Variants in BHLHA9 observed in about 807,000 individuals in gnomAD.
The protein encoded by BHLHA9 is basic helix-loop-helix family member a9, also known as class A basic helix-loop-helix protein 9.
For synonymous variants in BHLHA9, 177 were observed against 179.7 expected (o/e 0.98, Z 0.12); for missense variants, 344 against 365.9 (o/e 0.94, Z 0.49).
rs2071885019 is a variant in BHLHA9, at chr17:1,271,730, C to T, written c.*459C>T. On this transcript the variant is annotated 3_prime_UTR_variant, in exon 1 of 1. Transcript: ENST00000391429. ...ATGAGTGCGGAGTCCCCTTCCCTGC[C>T]TGCGCTGCTGCCCAAGCCTGATCCG... 1.3e-5 allele frequency among the ~76,000 whole-genome samples: 2 copies of T among 152,254 alleles called. No individual in the cohort carries two copies. Among genetic ancestry groups the T allele is most frequent in the Admixed American group, 1.3e-4 (2 of 15,290 alleles).
At position 1,270,524 on chromosome 17, in the gene BHLHA9, G is replaced by GGGCAGAT; in HGVS notation, c.-37_-36insAGATGGC. ...CAGTGGGCAGAGGGCAGAGGGCAGA[G>GGGCAGAT]GGCCGGGGCTGGGGCAGAGGGCGAG... On this transcript the variant is annotated 5_prime_UTR_variant, in exon 1 of 1. The change creates a new upstream start codon in the 5' untranslated region. Coordinates refer to ENST00000391429, the MANE Select transcript of BHLHA9 (RefSeq NM_001164405.2). 1 of 1,162,260 alleles carries GGGCAGAT rather than the reference G, an allele frequency of 8.6e-7. No individual in the cohort carries two copies. The highest frequency in any genetic ancestry group is 1.1e-6 in the Non-Finnish European group (1 of 914,482). The allele number at this position is 1,162,260 out of a possible 1,614,324, so 72.0% of individuals were successfully genotyped here.
At position 1,270,516 on chromosome 17, in the gene BHLHA9, A is replaced by AGGGCAGAGGGCCGGGGCTG. The variant is rs1313245531; in HGVS notation, c.-36_-18dup. On this transcript the variant is annotated 5_prime_UTR_variant, in exon 1 of 1. Coordinates refer to ENST00000391429, the MANE Select transcript of BHLHA9 (RefSeq NM_001164405.2). ...GGCCAAGGCAGTGGGCAGAGGGCAG[A>AGGGCAGAGGGCCGGGGCTG]GGGCAGAGGGCCGGGGCTGGGGCAG... 8 of 1,092,918 alleles carry AGGGCAGAGGGCCGGGGCTG rather than the reference A, an allele frequency of 7.3e-6. No individual in the cohort carries two copies. The highest frequency in any genetic ancestry group is 8.2e-6 in the Non-Finnish European group (7 of 853,082). 67.7% of individuals were successfully genotyped at this position (1,092,918 alleles called of 1,614,324 possible). A position where few individuals can be genotyped will look rare whatever the true frequency, so the allele number is the denominator to read the frequency against.
Position 1,270,631 on chromosome 17 carries a change from T to TG in BHLHA9, c.74dup (p.Cys27LeufsTer246), listed in dbSNP as rs1017372759. On this transcript the variant is annotated frameshift_variant, in exon 1 of 1. Coordinates refer to ENST00000391429, the MANE Select transcript of BHLHA9 (RefSeq NM_001164405.2). LOFTEE classifies it low-confidence loss of function (END_TRUNC). ...GGGGCCGAGGACTCTGCGGAGGACT[T>TG]GGGGGGCCCCTGCCCCGAGCCCGGG... is the stretch of plus-strand genomic sequence containing the variant. 1.8e-5 allele frequency: 23 copies of TG among 1,298,348 alleles called. No individual in the cohort carries two copies. The highest frequency in any genetic ancestry group is 9.4e-5 in the East Asian group (3 of 31,968). The allele number at this position is 1,298,348 out of a possible 1,614,324, so 80.4% of individuals were successfully genotyped here.
rs1236657811 is a variant in BHLHA9 at position 1,270,971 on chromosome 17, C to T, written c.408C>T (p.Cys136=). The change falls in exon 1 of 1, where the codon TGC becomes TGT. Residue 136 remains cysteine, a synonymous_variant. Transcript: ENST00000391429. ...APRGPCGHLE[C]HGPAARGDTG... ...GCGGGCCCTGCGGACACCTGGAGTG[C>T]CACGGCCCGGCCGCGCGCGGGGACA... 2.3e-5 allele frequency: 29 copies of T among 1,238,564 alleles called. No homozygotes were observed. Among genetic ancestry groups the T allele is most frequent in the South Asian group, 3.3e-5 (1 of 29,946 alleles). The allele number at this position is 1,238,564 out of a possible 1,614,324, so 76.7% of individuals were successfully genotyped here.
Position 1,270,759 on chromosome 17 carries a change from C to T in BHLHA9, c.196C>T (p.Arg66Trp). The change falls in exon 1 of 1, where the codon CGG becomes TGG. Residue 66 changes from arginine (R) to tryptophan (W), a missense_variant. Coordinates refer to ENST00000391429, the MANE Select transcript of BHLHA9 (RefSeq NM_001164405.2). ...RRARPVRSKA[R>W]RMAANVRERK... ...CGCGCGGCCGGTGCGGTCCAAGGCG[C>T]GGCGCATGGCCGCCAACGTGCGGGA... The T allele has an allele frequency of 5.5e-6, 8 of 1,454,046 alleles. No homozygotes were observed. Among genetic ancestry groups the T allele is most frequent in the Non-Finnish European group, 7.2e-6 (8 of 1,107,252 alleles). The allele number at this position is 1,454,046 out of a possible 1,614,324, so 90.1% of individuals were successfully genotyped here. A position where few individuals can be genotyped will look rare whatever the true frequency, so the allele number is the denominator to read the frequency against.
At position 1,271,017 on chromosome 17, in the gene BHLHA9, C is replaced by A. The variant is rs1039246745; in HGVS notation, c.454C>A (p.Pro152Thr). 1.7e-5 allele frequency: 20 copies of A among 1,197,486 alleles called. No homozygotes were observed. The highest frequency in any genetic ancestry group is 1.4e-4 in the African/African-American group (9 of 62,636). 74.2% of individuals were successfully genotyped at this position (1,197,486 alleles called of 1,614,324 possible). The change falls in exon 1 of 1, where the codon CCC becomes ACC. Residue 152 changes from proline to threonine, a missense_variant. Pro to Thr is a conservative substitution (Grantham distance 38). Transcript: ENST00000391429. ...GGACACCGGGGACACAGGCGCCAGC[C>A]CCCCGCCGCCTGCAGGGCCCAGCCT... ...RGDTGDTGASPPPPAGPSLAR... is the reference protein window; with the variant it reads ...RGDTGDTGASTPPPAGPSLAR...
Position 1,271,082 on chromosome 17 carries a change from GC to G in BHLHA9, c.523del (p.Arg175AlafsTer23), listed in dbSNP as rs1171679796. On this transcript the variant is annotated frameshift_variant, in exon 1 of 1. Coordinates refer to ENST00000391429, the MANE Select transcript of BHLHA9 (RefSeq NM_001164405.2). LOFTEE classifies it low-confidence loss of function (END_TRUNC). Reference sequence around the variant, plus strand: ...CCGCCCGCCCCTCGGTGCCGTCCGCGCCCCGCTGCGCCTCGTGCCCCCCGCA... The same window carrying G: ...CCGCCCGCCCCTCGGTGCCGTCCGCGCCCGCTGCGCCTCGTGCCCCCCGCA... Reference protein sequence around the residue: ...DAARPSVPSAPRCASCPPHAP... With the variant: ...DAARPSVPSAXRCASCPPHAP... 1.7e-5 allele frequency: 21 copies of G among 1,219,184 alleles called. No individual in the cohort carries two copies. In the East Asian group the frequency reaches 6.8e-4, roughly 40 times the overall value. 75.5% of individuals were successfully genotyped at this position (1,219,184 alleles called of 1,614,324 possible).
chr17:1,270,981 G>C lies in BHLHA9; in HGVS notation c.418G>C (p.Ala140Pro), dbSNP rs2071878433. ...PCGHLECHGP[A>P]ARGDTGDTGA... ...CGGACACCTGGAGTGCCACGGCCCG[G>C]CCGCGCGCGGGGACACCGGGGACAC... Residue 140 changes from alanine to proline, a missense_variant, in exon 1 of 1, where the codon GCC becomes CCC. Physicochemically the swap from Ala to Pro is conservative, Grantham distance 27. Coordinates refer to ENST00000391429, the MANE Select transcript of BHLHA9 (RefSeq NM_001164405.2). The C allele has an allele frequency of 8.2e-7, 1 of 1,225,752 alleles. No homozygotes were observed. The highest frequency in any genetic ancestry group is 1.6e-5 in the African/African-American group (1 of 63,392). 75.9% of individuals were successfully genotyped at this position (1,225,752 alleles called of 1,614,324 possible).
In BHLHA9 at chr17:1,270,528, C is replaced by CGGGGCT. The variant is rs772446398; in HGVS notation, c.-30_-25dup. 2 of 1,178,142 alleles carry CGGGGCT rather than the reference C, an allele frequency of 1.7e-6. No individual in the cohort carries two copies. Among genetic ancestry groups the CGGGGCT allele is most frequent in the Non-Finnish European group, 2.2e-6 (2 of 929,178 alleles). The allele number at this position is 1,178,142 out of a possible 1,614,324, so 73.0% of individuals were successfully genotyped here. Reference sequence around the variant, plus strand: ...GGGCAGAGGGCAGAGGGCAGAGGGCCGGGGCTGGGGCAGAGGGCGAGTGCC... The same window carrying CGGGGCT: ...GGGCAGAGGGCAGAGGGCAGAGGGCCGGGGCTGGGGCTGGGGCAGAGGGCGAGTGCC... On this transcript the variant is annotated 5_prime_UTR_variant, in exon 1 of 1. Transcript: ENST00000391429.
Position 1,271,679 on chromosome 17 carries a change from G to C in BHLHA9, c.*408G>C, listed in dbSNP as rs1193735768. On this transcript the variant is annotated 3_prime_UTR_variant, in exon 1 of 1. Transcript: ENST00000391429. Reference sequence around the variant, plus strand: ...GGTGTGGGAGCGTGGGAATGCGGGTGGGGCCTGCTGTGGTCTCGTGGGCAC... The same window carrying C: ...GGTGTGGGAGCGTGGGAATGCGGGTCGGGCCTGCTGTGGTCTCGTGGGCAC... Among the ~76,000 whole-genome samples, 1 of 152,260 alleles carries C rather than the reference G, an allele frequency of 6.6e-6. No individual in the cohort carries two copies. The highest frequency in any genetic ancestry group is 6.5e-5 in the Admixed American group (1 of 15,292).
In BHLHA9 at chr17:1,270,641, C is replaced by G. The variant is rs1248784707; in HGVS notation, c.78C>G (p.Pro26=). Residue 26 remains proline (P), a synonymous_variant, in exon 1 of 1, where the codon CCC becomes CCG. Transcript: ENST00000391429. ...ACTCTGCGGAGGACTTGGGGGGCCC[C>G]TGCCCCGAGCCCGGGGGCGATTCGG... ...AEDSAEDLGG[P]CPEPGGDSGV... The G allele has an allele frequency of 7.7e-7, 1 of 1,306,574 alleles. No individual in the cohort carries two copies. The highest frequency in any genetic ancestry group is 1.5e-5 in the African/African-American group (1 of 64,716). 80.9% of individuals were successfully genotyped at this position (1,306,574 alleles called of 1,614,324 possible).
At position 1,270,448 on chromosome 17, in the gene BHLHA9, G is replaced by A. The variant is rs2071872790; in HGVS notation, c.-116G>A. 2.0e-6 allele frequency: 1 copy of A among 511,020 alleles called. No individual in the cohort carries two copies. Among genetic ancestry groups the A allele is most frequent in the Non-Finnish European group, 3.0e-6 (1 of 329,776 alleles). The allele number at this position is 511,020 out of a possible 1,614,324, so 31.7% of individuals were successfully genotyped here. A position where few individuals can be genotyped will look rare whatever the true frequency, so the allele number is the denominator to read the frequency against. ...CAGCTGGAAGGGGCCTGTCTCGGGA[G>A]TGTCCAGCCCCAGGAGCCGGGGACC... On this transcript the variant is annotated 5_prime_UTR_variant, in exon 1 of 1. It adds an upstream start codon to the 5' untranslated region. Coordinates refer to ENST00000391429, the MANE Select transcript of BHLHA9 (RefSeq NM_001164405.2).
chr17:1,271,294 G>A lies in BHLHA9; in HGVS notation c.*23G>A, dbSNP rs2071882170. 1 of 1,238,014 alleles carries A rather than the reference G, an allele frequency of 8.1e-7. No individual in the cohort carries two copies. The highest frequency in any genetic ancestry group is 1.0e-6 in the Non-Finnish European group (1 of 979,766). 76.7% of individuals were successfully genotyped at this position (1,238,014 alleles called of 1,614,324 possible). On this transcript the variant is annotated 3_prime_UTR_variant, in exon 1 of 1. Transcript: ENST00000391429. ...TGACCGGCCTCGAGGCACCGGCTGGGCTGCAGGGAGGCCGGGCTGGCAGCT... is the reference window on the plus strand; with the variant it reads ...TGACCGGCCTCGAGGCACCGGCTGGACTGCAGGGAGGCCGGGCTGGCAGCT...
Position 1,270,911 on chromosome 17 carries a change from G to C in BHLHA9, c.348G>C (p.Ala116=). The C allele has an allele frequency of 2.1e-6, 3 of 1,421,044 alleles. No individual in the cohort carries two copies. The East Asian group carries it at 9.3e-5, about 44-fold the overall frequency. 88.0% of individuals were successfully genotyped at this position (1,421,044 alleles called of 1,614,324 possible). ...TLRRAIHRIA[A]LSLVLRASPA... is the part of the protein sequence containing the mutation. The stretch of plus-strand genomic sequence containing the variant: ...GCAGGGCCATCCACCGCATCGCCGC[G>C]CTCTCCCTGGTCCTGCGCGCCAGCC... Residue 116 remains alanine, a synonymous_variant, in exon 1 of 1, where the codon GCG becomes GCC. Coordinates refer to ENST00000391429, the MANE Select transcript of BHLHA9 (RefSeq NM_001164405.2).
chr17:1,270,544 G>T lies in BHLHA9; in HGVS notation c.-20G>T. The T allele has an allele frequency of 8.0e-7, 1 of 1,249,028 alleles. No homozygotes were observed. The highest frequency in any genetic ancestry group is 1.0e-6 in the Non-Finnish European group (1 of 992,188). The allele number at this position is 1,249,028 out of a possible 1,614,324, so 77.4% of individuals were successfully genotyped here. A position where few individuals can be genotyped will look rare whatever the true frequency, so the allele number is the denominator to read the frequency against. ...GCAGAGGGCCGGGGCTGGGGCAGAG[G>T]GCGAGTGCCCGGGAAGGCCATGCTG... On this transcript the variant is annotated 5_prime_UTR_variant, in exon 1 of 1. Transcript: ENST00000391429.
Position 1,271,225 on chromosome 17 carries a change from G to A in BHLHA9, c.662G>A (p.Arg221Gln). 8.0e-7 allele frequency: 1 copy of A among 1,254,120 alleles called. No individual in the cohort carries two copies. The highest frequency in any genetic ancestry group is 3.1e-5 in the East Asian group (1 of 31,756). 77.7% of individuals were successfully genotyped at this position (1,254,120 alleles called of 1,614,324 possible). ...TCTGCCGGGCCGCCTCCCTGGCCGC[G>A]GGGCTACCTGCGATCCGCCCCCGGG... ...ASSAGPPPWP[R>Q]GYLRSAPGMG... Residue 221 changes from arginine (R) to glutamine (Q), a missense_variant, in exon 1 of 1, where the codon CGG becomes CAG. Transcript: ENST00000391429.
At position 1,271,085 on chromosome 17, in the gene BHLHA9, C is replaced by T; in HGVS notation, c.522C>T (p.Pro174=). 1.1e-5 allele frequency: 14 copies of T among 1,224,130 alleles called. No homozygotes were observed. Among genetic ancestry groups the T allele is most frequent in the Non-Finnish European group, 1.4e-5 (14 of 985,318 alleles). 75.8% of individuals were successfully genotyped at this position (1,224,130 alleles called of 1,614,324 possible). ...CCCGCCCCTCGGTGCCGTCCGCGCCCCGCTGCGCCTCGTGCCCCCCGCACG... is the reference window on the plus strand; with the variant it reads ...CCCGCCCCTCGGTGCCGTCCGCGCCTCGCTGCGCCTCGTGCCCCCCGCACG... ...DAARPSVPSA[P]RCASCPPHAP... is the part of the protein sequence containing the mutation. The change falls in exon 1 of 1, where the codon CCC becomes CCT. Residue 174 remains proline (P), a synonymous_variant. Transcript: ENST00000391429.
chr17:1,271,432 G>C lies in BHLHA9; in HGVS notation c.*161G>C, dbSNP rs2071882938. On this transcript the variant is annotated 3_prime_UTR_variant, in exon 1 of 1. Transcript: ENST00000391429. ...CAGAGAGAAGGAGCTCCGGGACCCG[G>C]GGTTGCGCCCCCACATCCCAGCCTG... The C allele has an allele frequency of 2.0e-6, 1 of 500,944 alleles. No homozygotes were observed. Among genetic ancestry groups the C allele is most frequent in the Non-Finnish European group, 3.2e-6 (1 of 308,352 alleles). The allele number at this position is 500,944 out of a possible 1,614,324, so 31.0% of individuals were successfully genotyped here.
chr17:1,270,571 GGGGCGCGC>G lies in BHLHA9; in HGVS notation c.9_16del (p.Gly4ArgfsTer266). On this transcript the variant is annotated frameshift_variant, in exon 1 of 1. Coordinates refer to ENST00000391429, the MANE Select transcript of BHLHA9 (RefSeq NM_001164405.2). LOFTEE classifies it low-confidence loss of function (END_TRUNC). ...CGAGTGCCCGGGAAGGCCATGCTGC[GGGGCGCGC>G]CAGGACTAGGCCTCACGGCGCGGAA... 1.6e-6 allele frequency: 2 copies of G among 1,274,136 alleles called. No individual in the cohort carries two copies. Among genetic ancestry groups the G allele is most frequent in the Non-Finnish European group, 9.9e-7 (1 of 1,014,576 alleles). The allele number at this position is 1,274,136 out of a possible 1,614,324, so 78.9% of individuals were successfully genotyped here. A position where few individuals can be genotyped will look rare whatever the true frequency, so the allele number is the denominator to read the frequency against.
Sources: gnomAD v4.1 joint callset for allele counts (sites outside exome capture counted in the v4.1 genomes callset) on GRCh38, gnomAD v4.1.1 for gene constraint, MANE v1.5 for transcripts, NCBI Gene and HGNC (gene_info 2026-07-23, HGNC 2026-07-21) for gene names.